The following TMEM184B variants were observed in gnomAD, a reference collection of about 807,000 sequenced individuals.
The protein encoded by TMEM184B is putative MAPK-activating protein FM08.
A neutral mutation model predicts 41.8 loss-of-function variants in TMEM184B; 17 were observed. The ratio of observed to expected loss-of-function variants is 0.41; its 90% CI spans 0.28 to 0.61. The LOEUF (loss-of-function observed/expected upper bound fraction) is 0.61, where lower values mean the gene tolerates loss of function less well. TMEM184B is among the 20% of genes least tolerant of loss of function. The pLI, the probability that TMEM184B is intolerant of heterozygous loss-of-function variation, is 0.34. For synonymous variants in TMEM184B, 240 were observed against 229.5 expected (o/e 1.05, Z -0.41); for missense variants, 393 against 557.8 (o/e 0.70, Z 2.98).
intron 2 of TMEM184B, chr22:38,246,746 AC>A (rs1482209507): frequency 8.6e-7 from 1 of 1,165,746 alleles, no homozygotes; most frequent in East Asian, 6.8e-5. Flanking sequence ...AATGAATGCT[AC>A]TTTTAGGAAG....
chr22:38,247,554 C>T (rs1217896316), intron 2 of TMEM184B, among the ~76,000 whole-genome samples: 4 of 152,100 alleles, frequency 2.6e-5, no homozygotes, highest in Non-Finnish European at 5.9e-5. Flanking sequence ...GAGCCAAGAT[C>T]GCACCACTGT....
At chr22:38,222,668 C>T (rs2091293253) in intron 8 of TMEM184B, 2 of 985,564 alleles carry the variant, frequency 2.0e-6, no homozygotes, top group Non-Finnish European at 2.4e-6. Context: ...TGGCACTGCC[C>T]GCGGCCAAAC....
chr22:38,262,534 AGTAAAGAGGGCCT>A (rs2092386959), intron 1 of TMEM184B, among the ~76,000 whole-genome samples: 1 of 152,248 alleles, frequency 6.6e-6, no homozygotes, highest in South Asian at 2.1e-4. Flanking sequence ...GAAGAGGCCC[AGTAAAGAGGGCCT>A]GGGATGCCCA....
chr22:38,269,722 G>A (rs1323813943), intron 1 of TMEM184B, among the ~76,000 whole-genome samples: 2 of 152,154 alleles, frequency 1.3e-5, no homozygotes, highest in Non-Finnish European at 2.9e-5. Context: ...TTCCAGCTCA[G>A]AGAAGCCAGT....
Position 38,219,676 on chromosome 22 carries a change from G to A in TMEM184B, c.*1793C>T. ...CACCCTCCACGCAAACAGCAACGCT[G>A]GGCAGGCGAAAACCAAGGGAGTGGG... On this transcript the variant is annotated 3_prime_UTR_variant, in exon 9 of 9. Transcript: ENST00000361906. 3 of 985,520 alleles carry A rather than the reference G, an allele frequency of 3.0e-6. No homozygotes were observed. Among genetic ancestry groups the A allele is most frequent in the Non-Finnish European group, 3.6e-6 (3 of 829,942 alleles). 61.0% of individuals were successfully genotyped at this position (985,520 alleles called of 1,614,324 possible). A position where few individuals can be genotyped will look rare whatever the true frequency, so the allele number is the denominator to read the frequency against.
intron 3 of TMEM184B, 52 bp downstream of exon 3, chr22:38,245,883 T>TCCCCCCCCC: frequency 7.8e-7 from 1 of 1,288,710 alleles, no homozygotes; most frequent in Non-Finnish European, 1.1e-6. Flanking sequence ...GGACAGGGGC[T>TCCCCCCCCC]CCCAGCCCCC....
intron 3 of TMEM184B, among the ~76,000 whole-genome samples, chr22:38,238,514 G>A (rs1463069503): frequency 3.3e-5 from 5 of 152,214 alleles, no homozygotes; most frequent in Non-Finnish European, 7.3e-5. Context: ...GTGAGCCACC[G>A]CGCCTGGCCA....
At chr22:38,235,506 T>A (rs1156819427) in intron 3 of TMEM184B, among the ~76,000 whole-genome samples, 1 of 152,222 alleles carries the variant, frequency 6.6e-6, no homozygotes, top group African/African-American at 2.4e-5. Flanking sequence ...AATGTCATCA[T>A]CCCTCTCAGT....
At chr22:38,243,421 G>A (rs1242389472) in intron 3 of TMEM184B, among the ~76,000 whole-genome samples, 1 of 152,172 alleles carries the variant, frequency 6.6e-6, no homozygotes, top group Admixed American at 6.5e-5. Flanking sequence ...GACCACACAG[G>A]AGAGGCCACC....
At chr22:38,242,931 A>G (rs1490293545) in intron 3 of TMEM184B, among the ~76,000 whole-genome samples, 3 of 151,434 alleles carry the variant, frequency 2.0e-5, no homozygotes, top group Non-Finnish European at 4.4e-5. Flanking sequence ...GCGTGGTAGC[A>G]CACGCCTGTA....
chr22:38,224,482 T>A (rs188750773), intron 8 of TMEM184B, among the ~76,000 whole-genome samples: 2 of 152,156 alleles, frequency 1.3e-5, no homozygotes, highest in African/African-American at 4.8e-5. Flanking sequence ...GTAACCACAG[T>A]GTTGGGAGTT....
At chr22:38,228,268 A>G (rs1331218652) in intron 5 of TMEM184B, among the ~76,000 whole-genome samples, 2 of 152,228 alleles carry the variant, frequency 1.3e-5, no homozygotes, top group Non-Finnish European at 2.9e-5. Context: ...GGCAGTTTGC[A>G]TGAGTTCCAG....
At chr22:38,232,903 G>A (rs888549547) in intron 3 of TMEM184B, among the ~76,000 whole-genome samples, 7 of 152,222 alleles carry the variant, frequency 4.6e-5, no homozygotes, top group Non-Finnish European at 7.3e-5. Flanking sequence ...CAGCTGGGAT[G>A]GCACCCAGTG....
intron 3 of TMEM184B, among the ~76,000 whole-genome samples, chr22:38,234,088 C>A (rs941634354): frequency 7.0e-6 from 1 of 143,134 alleles, no homozygotes; most frequent in Non-Finnish European, 1.5e-5. Flanking sequence ...ATTTTCTAGA[C>A]TGCCACACCT....
rs1400646185 is a variant in TMEM184B, at chr22:38,225,124, C to A, written c.788-145G>T. ...TGCTCCTGCAGGGCAGGGGTAGCGA[C>A]ACAAGGCCACAGCCTCCGGAAACCC... On this transcript the variant is annotated intron_variant, in intron 7 of 8. Transcript: ENST00000361906. The surrounding 1 kb of genome is among the most constrained non-coding windows in gnomAD (Gnocchi z 4.4). The A allele has an allele frequency of 2.0e-6, 2 of 1,002,470 alleles. No individual in the cohort carries two copies. The highest frequency in any genetic ancestry group is 6.0e-5 in the Admixed American group (2 of 33,412). The allele number at this position is 1,002,470 out of a possible 1,614,324, so 62.1% of individuals were successfully genotyped here. A position where few individuals can be genotyped will look rare whatever the true frequency, so the allele number is the denominator to read the frequency against.
At chr22:38,264,110 A>G (rs1355622239) in intron 1 of TMEM184B, among the ~76,000 whole-genome samples, 1 of 152,150 alleles carries the variant, frequency 6.6e-6, no homozygotes, top group Non-Finnish European at 1.5e-5. Flanking sequence ...CAGCCAATAC[A>G]TAGTTTAAAG....
intron 5 of TMEM184B, among the ~76,000 whole-genome samples, chr22:38,228,628 C>T (rs2091520508): frequency 6.6e-6 from 1 of 152,186 alleles, no homozygotes; most frequent in African/African-American, 2.4e-5. Flanking sequence ...TAGGGAATCT[C>T]TCCAGAAGGT....
chr22:38,230,560 G>A, intron 5 of TMEM184B, 109 bp downstream of exon 5: 3 of 1,089,114 alleles, frequency 2.8e-6, no homozygotes, highest in Non-Finnish European at 2.7e-6. Context: ...GGCCTGGGGT[G>A]CCTCATAGGA....
chr22:38,221,794 G>A, intron 8 of TMEM184B, 84 bp from the exon 9 acceptor site: 1 of 1,549,892 alleles, frequency 6.5e-7, no homozygotes, highest in Non-Finnish European at 8.7e-7. Context: ...GTGATCCTGG[G>A]ACAGACACCC....
Sources: allele counts gnomAD v4.1 joint callset (sites outside exome capture counted in the v4.1 genomes callset), GRCh38; gene constraint gnomAD v4.1.1; non-coding constraint Gnocchi (gnomAD v3.1); transcripts MANE v1.5; gene names NCBI Gene and HGNC (gene_info 2026-07-23, HGNC 2026-07-21).